The following GALNT17 variants were observed in gnomAD, a reference collection of about 807,000 sequenced individuals.
GALNT17 encodes the protein UDP-GalNAc:polypeptide N-acetylgalactosaminyltransferase-like 3.
A neutral mutation model predicts 63.7 loss-of-function variants in GALNT17; 29 were observed. The ratio of observed to expected loss-of-function variants is 0.46; its 90% confidence interval spans 0.34 to 0.62. GALNT17 has a LOEUF of 0.62. GALNT17 is among the 20% of genes least tolerant of loss of function. The pLI, the probability that GALNT17 is intolerant of heterozygous loss-of-function variation, is 0.01. For missense variants in GALNT17, 603 were observed against 799.6 expected (o/e 0.75, Z 2.97); for synonymous variants, 305 against 318.3 (o/e 0.96, Z 0.45).
intron 5 of GALNT17, among the ~76,000 whole-genome samples, chr7:71,428,604 A>T (rs771086368): frequency 6.6e-5 from 10 of 151,948 alleles, no homozygotes; most frequent in Non-Finnish European, 1.3e-4. Context: ...ATGCCCAGCT[A>T]ATTTTTGTAT....
intron 5 of GALNT17, among the ~76,000 whole-genome samples, chr7:71,430,221 C>T (rs1317142553): frequency 6.6e-6 from 1 of 152,082 alleles, no homozygotes; most frequent in Non-Finnish European, 1.5e-5. Flanking sequence ...TTTTGTTATT[C>T]ATGACATTAT....
intron 5 of GALNT17, among the ~76,000 whole-genome samples, chr7:71,565,353 C>A (rs1179620717): frequency 1.3e-5 from 2 of 152,120 alleles, no homozygotes. Flanking sequence ...AGCCTGTCTA[C>A]TCCCCTCCTC....
chr7:71,226,486 T>C (rs1437202669), intron 1 of GALNT17, among the ~76,000 whole-genome samples: 2 of 149,708 alleles, frequency 1.3e-5, no homozygotes, highest in African/African-American at 5.0e-5. Context: ...ATGATGAGGT[T>C]GGCTTTCTTT....
intron 1 of GALNT17, among the ~76,000 whole-genome samples, chr7:71,207,231 T>G (rs1314332534): frequency 6.6e-6 from 1 of 152,224 alleles, no homozygotes; most frequent in Non-Finnish European, 1.5e-5. Context: ...TGTTGTTAAG[T>G]AAGCCACGTA....
intron 5 of GALNT17, among the ~76,000 whole-genome samples, chr7:71,477,782 G>A (rs146836856): frequency 7.2e-5 from 11 of 152,252 alleles, no homozygotes; most frequent in African/African-American, 2.4e-4. Flanking sequence ...TAATAGTACC[G>A]GGAATCCTGG....
At chr7:71,369,753 A>G (rs1284579933) in intron 2 of GALNT17, among the ~76,000 whole-genome samples, 1 of 142,988 alleles carries the variant, frequency 7.0e-6, no homozygotes, top group Non-Finnish European at 1.5e-5. Context: ...CGGAGGTTGC[A>G]GTGAGCTGAG....
At chr7:71,529,681 T>C (rs971469515) in intron 5 of GALNT17, among the ~76,000 whole-genome samples, 10 of 152,216 alleles carry the variant, frequency 6.6e-5, no homozygotes, top group Middle Eastern at 3.2e-3. Flanking sequence ...TTCTTTATTT[T>C]TTCTTTGCAT....
At chr7:71,534,482 C>T (rs1004986981) in intron 5 of GALNT17, among the ~76,000 whole-genome samples, 3 of 151,790 alleles carry the variant, frequency 2.0e-5, no homozygotes, top group African/African-American at 7.3e-5. Context: ...GCCTGTAGTC[C>T]CAGCTACTCG....
rs534206279 is a variant in GALNT17, at chr7:71,653,165, G to A, written c.1081-12246G>A. On this transcript the variant is annotated intron_variant, in intron 6 of 10. Transcript: ENST00000333538. ...CAAGTAGCTGGGACTACAGGCACCT[G>A]CCACCACACCCAGCTAATTTTTGTA... is the stretch of plus-strand genomic sequence containing the variant. Among the ~76,000 whole-genome samples the A allele has an allele frequency of 4.6e-5, 7 of 152,026 alleles. No homozygotes were observed. In the South Asian group the frequency reaches 6.2e-4, roughly 14 times the overall value.
intron 5 of GALNT17, among the ~76,000 whole-genome samples, chr7:71,448,085 C>T (rs1207136068): frequency 6.6e-6 from 1 of 152,184 alleles, no homozygotes; most frequent in African/African-American, 2.4e-5. Context: ...TTCTGCCTTC[C>T]ACTTTGAATG....
intron 1 of GALNT17, among the ~76,000 whole-genome samples, chr7:71,256,983 G>A (rs141809259): frequency 1.1e-3 from 162 of 152,222 alleles, no homozygotes; most frequent in African/African-American, 3.5e-3. Flanking sequence ...TCTCTCTCTC[G>A]CACTCCTACC....
intron 5 of GALNT17, among the ~76,000 whole-genome samples, chr7:71,468,054 G>A (rs1787566232): frequency 6.6e-6 from 1 of 151,434 alleles, no homozygotes; most frequent in Non-Finnish European, 1.5e-5. Context: ...TAGAGACAGG[G>A]TCTTGCTCTG....
At chr7:71,336,099 C>A (rs1791901188) in intron 2 of GALNT17, among the ~76,000 whole-genome samples, 1 of 131,798 alleles carries the variant, frequency 7.6e-6, no homozygotes, top group South Asian at 2.6e-4. Flanking sequence ...GGCTGGAGCG[C>A]AATGGTGCGA....
intron 1 of GALNT17, among the ~76,000 whole-genome samples, chr7:71,286,080 AGGAAAACTG>A: frequency 6.6e-6 from 1 of 152,330 alleles, no homozygotes; most frequent in South Asian, 2.1e-4. Flanking sequence ...CTATAACACA[AGGAAAACTG>A]GGCATTCAAC....
intron 5 of GALNT17, among the ~76,000 whole-genome samples, chr7:71,505,743 G>A (rs938677183): frequency 2.0e-5 from 3 of 152,196 alleles, no homozygotes; most frequent in African/African-American, 7.2e-5. Context: ...GTGAATATTT[G>A]AGTATATTTT....
chr7:71,504,350 G>A (rs117896817), intron 5 of GALNT17, among the ~76,000 whole-genome samples: 3,317 of 152,030 alleles, frequency 0.022, 45 homozygotes, highest in African/African-American at 0.029. Flanking sequence ...AGCCGAGATC[G>A]TACCGCTGCA....
chr7:71,600,733 G>A (rs910843206), intron 6 of GALNT17, among the ~76,000 whole-genome samples: 1 of 145,104 alleles, frequency 6.9e-6, no homozygotes, highest in African/African-American at 2.6e-5. Context: ...AGTAATTTTG[G>A]TTTTTTGTTT....
At chr7:71,364,807 A>G (rs867092422) in intron 2 of GALNT17, among the ~76,000 whole-genome samples, 27 of 152,312 alleles carry the variant, frequency 1.8e-4, no homozygotes, top group Middle Eastern at 3.4e-3. Flanking sequence ...GGAATGTAAG[A>G]TGAGAGGAAC....
intron 2 of GALNT17, among the ~76,000 whole-genome samples, chr7:71,343,923 T>C (rs141482598): frequency 4.4e-4 from 67 of 152,300 alleles, no homozygotes; most frequent in East Asian, 1.5e-3. Flanking sequence ...TTTCTTTTTT[T>C]TTCTTCTTCT....
Sources: gnomAD v4.1 joint callset for allele counts (sites outside exome capture counted in the v4.1 genomes callset) on GRCh38, gnomAD v4.1.1 for gene constraint, MANE v1.5 for transcripts, NCBI Gene and HGNC (gene_info 2026-07-23, HGNC 2026-07-21) for gene names.